The following NWD1 variants were observed in gnomAD, a reference collection of about 807,000 sequenced individuals.
The protein encoded by NWD1 is NACHT and WD repeat domain containing 1.
In NWD1, 129 loss-of-function variants were observed where a neutral mutation model predicts 135.1. The observed-to-expected ratio is 0.96, with a 90% CI of 0.83 to 1.11. The LOEUF (loss-of-function observed/expected upper bound fraction) is 1.11. Ranked by LOEUF, NWD1 falls within the 50% of genes least tolerant of loss-of-function variation. The pLI is 0.00. For synonymous variants in NWD1, 773 were observed against 786.0 expected (o/e 0.98, Z 0.28); for missense variants, 1,740 against 1,851.3 (o/e 0.94, Z 1.10).
rs763068932 is a variant in NWD1 at position 16,744,748 on chromosome 19, C to T, written c.496+30C>T. ...GGCCGCAGGGACTCCCCTCTGGAGACCCACAAGAAACTGACCACGTGTTCA... is the reference window on the plus strand; with the variant it reads ...GGCCGCAGGGACTCCCCTCTGGAGATCCACAAGAAACTGACCACGTGTTCA... On this transcript the variant is annotated intron_variant, in intron 5 of 18. Transcript: ENST00000524140. 4.6e-6 allele frequency: 7 copies of T among 1,520,576 alleles called. No homozygotes were observed. In the Admixed American group the frequency reaches 5.9e-5, roughly 13 times the overall value. The allele number at this position is 1,520,576 out of a possible 1,614,324, so 94.2% of individuals were successfully genotyped here. A position where few individuals can be genotyped will look rare whatever the true frequency, so the allele number is the denominator to read the frequency against.
chr19:16,750,102 A>T lies in NWD1; in HGVS notation c.1460A>T (p.Glu487Val). Residue 487 changes from glutamate (E) to valine (V), a missense_variant, in exon 6 of 19, where the codon GAG becomes GTG. Coordinates refer to ENST00000524140, the MANE Select transcript of NWD1 (RefSeq NM_001007525.5). ...DTLQRVLLDP[E>V]AYWEVKPLSG... ...TTGCAGCGGGTGCTCCTGGACCCGG[A>T]GGCCTACTGGGAGGTGAAGCCCCTT... 6.2e-7 allele frequency: 1 copy of T among 1,613,978 alleles called. No individual in the cohort carries two copies. The highest frequency in any genetic ancestry group is 1.3e-5 in the African/African-American group (1 of 75,026).
chr19:16,745,926 A>T (rs536481041), intron 5 of NWD1, among the ~76,000 whole-genome samples: 169 of 152,178 alleles, frequency 1.1e-3, no homozygotes, highest in African/African-American at 3.0e-3. Context: ...CTAAATAAAT[A>T]AATTAATTAA....
intron 5 of NWD1, among the ~76,000 whole-genome samples, chr19:16,748,048 A>G (rs1384891709): frequency 3.9e-5 from 6 of 152,234 alleles, no homozygotes; most frequent in African/African-American, 1.4e-4. Flanking sequence ...CAGTGACATG[A>G]TCTTGGCTCA....
intron 10 of NWD1, among the ~76,000 whole-genome samples, chr19:16,767,476 G>A (rs1251248595): frequency 9.2e-5 from 14 of 152,212 alleles, no homozygotes; most frequent in Admixed American, 7.2e-4. Context: ...TTTGTCAGGC[G>A]TGGTGGCACA....
At chr19:16,789,609 A>T (rs1400796195) in intron 13 of NWD1, among the ~76,000 whole-genome samples, 2 of 151,726 alleles carry the variant, frequency 1.3e-5, no homozygotes, top group Non-Finnish European at 1.5e-5. Context: ...GAATTTCTGG[A>T]TAGGGTCCTG....
At chr19:16,778,502 TTTTTTTGTTG>T (rs1465781080) in intron 11 of NWD1, among the ~76,000 whole-genome samples, 2 of 141,874 alleles carry the variant, frequency 1.4e-5, no homozygotes, top group African/African-American at 6.1e-5. Context: ...TTCTTTTTTT[TTTTTTTGTTG>T]TTGTTGTTGT....
chr19:16,766,168 A>G, intron 10 of NWD1, among the ~76,000 whole-genome samples: 1 of 152,202 alleles, frequency 6.6e-6, no homozygotes, highest in East Asian at 1.9e-4. Flanking sequence ...AAATATAATA[A>G]TAACTGAGTA....
Position 16,817,419 on chromosome 19 carries a change from G to A in NWD1, c.*2380G>A, listed in dbSNP as rs1971095666. On this transcript the variant is annotated 3_prime_UTR_variant, in exon 19 of 19. Transcript: ENST00000524140. ...TGTTCAAGAGCAGCCTGGTCAACAT[G>A]GTGAAACTCTGTCTCTACTCAAAAA... 6.6e-6 allele frequency: 1 copy of A among 151,800 alleles called. No homozygotes were observed. The highest frequency in any genetic ancestry group is 2.4e-5 in the African/African-American group (1 of 41,298). 9.4% of individuals were successfully genotyped at this position (151,800 alleles called of 1,614,324 possible). A position where few individuals can be genotyped will look rare whatever the true frequency, so the allele number is the denominator to read the frequency against.
intron 4 of NWD1, among the ~76,000 whole-genome samples, chr19:16,739,480 AG>A (rs1199501765): frequency 1.3e-5 from 2 of 152,232 alleles, no homozygotes; most frequent in African/African-American, 2.4e-5. Context: ...CAGAGAACCT[AG>A]GGGTGATCTC....
At chr19:16,783,347 T>C (rs1969925444) in intron 12 of NWD1, among the ~76,000 whole-genome samples, 1 of 151,580 alleles carries the variant, frequency 6.6e-6, no homozygotes, top group Non-Finnish European at 1.5e-5. Flanking sequence ...TAAAAATAAA[T>C]TTAAAGGTGG....
rs777955571 is a variant in NWD1 at position 16,797,737 on chromosome 19, G to T, written c.3310G>T (p.Gly1104Ter). Residue 1104 changes from glycine to a stop codon, truncating the protein, a stop_gained, in exon 16 of 19, where the codon GGA becomes TGA. Coordinates refer to ENST00000524140, the MANE Select transcript of NWD1 (RefSeq NM_001007525.5). LOFTEE classifies it high-confidence loss of function. Reference protein sequence around the residue: ...EDESLLAAGFGRSVRIFLADS... With the variant: ...EDESLLAAGF The stretch of plus-strand genomic sequence containing the variant: ...CCCAGTTCCTGCCGTTTCAGGCTTT[G>T]GAAGATCGGTGCGGATATTCTTGGC... 2 of 1,613,710 alleles carry T rather than the reference G, an allele frequency of 1.2e-6. No homozygotes were observed. The highest frequency in any genetic ancestry group is 8.5e-7 in the Non-Finnish European group (1 of 1,179,762).
intron 5 of NWD1, among the ~76,000 whole-genome samples, chr19:16,746,062 C>T (rs1467036448): frequency 6.6e-6 from 1 of 152,112 alleles, no homozygotes; most frequent in African/African-American, 2.4e-5. Flanking sequence ...CCACCAATCA[C>T]ATAAATTGTT....
At chr19:16,772,443 T>C (rs1418891496) in intron 10 of NWD1, among the ~76,000 whole-genome samples, 1 of 152,056 alleles carries the variant, frequency 6.6e-6, no homozygotes, top group African/African-American at 2.4e-5. Flanking sequence ...GTGGATCACT[T>C]GAGGTCAGCC....
chr19:16,784,449 G>A (rs73521285), intron 12 of NWD1, among the ~76,000 whole-genome samples: 8,908 of 152,012 alleles, frequency 0.059, 830 homozygotes, highest in African/African-American at 0.2. Context: ...ACACTATTTC[G>A]TATAAGGCAC....
intron 14 of NWD1, 134 bp from the exon 15 acceptor site, chr19:16,794,329 G>T (rs1481961062): frequency 9.0e-6 from 5 of 553,590 alleles, no homozygotes; most frequent in South Asian, 2.3e-5. Flanking sequence ...TCATACCACC[G>T]CACTCCTGCC....
chr19:16,799,499 A>ATTTATT (rs934628125), intron 16 of NWD1, among the ~76,000 whole-genome samples: 4 of 149,546 alleles, frequency 2.7e-5, no homozygotes, highest in Non-Finnish European at 1.5e-5. Context: ...TGGCCTATTT[A>ATTTATT]TTTATTTTTA....
At chr19:16,794,112 T>A (rs1970340762) in intron 14 of NWD1, among the ~76,000 whole-genome samples, 1 of 151,898 alleles carries the variant, frequency 6.6e-6, no homozygotes, top group Non-Finnish European at 1.5e-5. Context: ...ACGCCTGTAA[T>A]CCCAGCACTT....
chr19:16,732,677 T>TAAAAAAAAAAAAAAAAAAAAAAAAA lies in NWD1; in HGVS notation c.81+1399_81+1400insAAAAAAAAAAAAAAAAAAAAAAAAA, dbSNP rs1464805489. On this transcript the variant is annotated intron_variant, in intron 3 of 18. Transcript: ENST00000524140. ...CTCAAAAAAAAAAAAAAAGAAAAAG[T>TAAAAAAAAAAAAAAAAAAAAAAAAA]GAAAAAGTGCAGTGGTGTGATCTCA... 4.7e-5 allele frequency among the ~76,000 whole-genome samples: 4 copies of TAAAAAAAAAAAAAAAAAAAAAAAAA among 85,154 alleles called. 1 individual carries two copies. The highest frequency in any genetic ancestry group is 1.2e-4 in the African/African-American group (2 of 16,138). 55.9% of individuals were successfully genotyped at this position (85,154 alleles called of 152,430 possible).
intron 15 of NWD1, among the ~76,000 whole-genome samples, chr19:16,795,619 G>C (rs1045190129): frequency 3.3e-5 from 5 of 151,920 alleles, no homozygotes; most frequent in Non-Finnish European, 5.9e-5. Context: ...GTTTCATCAT[G>C]TTGGCCAGGC....
Sources: allele counts gnomAD v4.1 joint callset (sites outside exome capture counted in the v4.1 genomes callset), GRCh38; gene constraint gnomAD v4.1.1; transcripts MANE v1.5; gene names NCBI Gene and HGNC (gene_info 2026-07-23, HGNC 2026-07-21).